Variants in GABPB1 observed in about 807,000 individuals in gnomAD.
The protein encoded by GABPB1 is GA binding protein transcription factor subunit beta 1.
A neutral mutation model predicts 45.9 loss-of-function variants in GABPB1; 15 were observed. That is an observed-to-expected ratio of 0.33 (90% CI 0.22 to 0.50). The LOEUF is 0.50. Ranked by LOEUF, GABPB1 falls within the 20% of genes least tolerant of loss-of-function variation. GABPB1 has a pLI of 0.98. For synonymous variants in GABPB1, 143 were observed against 154.4 expected (o/e 0.93, Z 0.55); for missense variants, 252 against 457.5 (o/e 0.55, Z 4.10).
intron 3 of GABPB1, among the ~76,000 whole-genome samples, chr15:50,303,731 A>T (rs1177890819): frequency 6.6e-6 from 1 of 152,042 alleles, no homozygotes; most frequent in African/African-American, 2.4e-5. Context: ...ATCATAAGAT[A>T]GACCAAGGTC....
intron 8 of GABPB1, among the ~76,000 whole-genome samples, chr15:50,280,975 T>C (rs1483082832): frequency 1.3e-5 from 2 of 152,140 alleles, no homozygotes; most frequent in Non-Finnish European, 2.9e-5. Flanking sequence ...CCGAGTGAGG[T>C]AGTCTAACAG....
chr15:50,328,938 C>T (rs1003048016), intron 1 of GABPB1, among the ~76,000 whole-genome samples: 5 of 152,170 alleles, frequency 3.3e-5, no homozygotes, highest in Admixed American at 6.6e-5. Context: ...ATAATAGCCA[C>T]CTAGCCACCT....
At chr15:50,321,683 T>C (rs1209952155) in intron 1 of GABPB1, among the ~76,000 whole-genome samples, 6 of 133,106 alleles carry the variant, frequency 4.5e-5, no homozygotes, top group East Asian at 2.1e-4. Context: ...GCCTGGGCAA[T>C]AGAGCAAGAC....
chr15:50,299,547 G>C (rs936561592), intron 6 of GABPB1, among the ~76,000 whole-genome samples: 85 of 152,150 alleles, frequency 5.6e-4, no homozygotes, highest in African/African-American at 2.0e-3. Context: ...TTACAGGCAT[G>C]GGCCACTACG....
At chr15:50,308,400 G>A (rs1034955359) in intron 2 of GABPB1, among the ~76,000 whole-genome samples, 5 of 152,182 alleles carry the variant, frequency 3.3e-5, no homozygotes, top group African/African-American at 1.2e-4. Flanking sequence ...CTCACCATCA[G>A]ATTGTTTTCC....
intron 1 of GABPB1, among the ~76,000 whole-genome samples, chr15:50,318,333 T>C (rs1327248468): frequency 6.6e-6 from 1 of 152,204 alleles, no homozygotes; most frequent in Non-Finnish European, 1.5e-5. Context: ...CCCAGTGTAA[T>C]TCCTTTGAAA....
At chr15:50,293,983 A>G (rs903335954) in intron 6 of GABPB1, among the ~76,000 whole-genome samples, 2 of 152,232 alleles carry the variant, frequency 1.3e-5, no homozygotes, top group Admixed American at 1.3e-4. Flanking sequence ...ATTCCAAAAC[A>G]TAAAGCTCCC....
At chr15:50,297,730 G>A (rs548310235) in intron 6 of GABPB1, among the ~76,000 whole-genome samples, 7 of 152,212 alleles carry the variant, frequency 4.6e-5, no homozygotes, top group Middle Eastern at 3.4e-3. Flanking sequence ...AGCTACTCAG[G>A]AGGCTGAGGC....
chr15:50,336,162 C>T (rs936403811), intron 1 of GABPB1, among the ~76,000 whole-genome samples: 2 of 151,562 alleles, frequency 1.3e-5, no homozygotes, highest in Admixed American at 1.3e-4. Flanking sequence ...ACAAGTCTGG[C>T]CAATATGGCG....
chr15:50,333,762 C>T (rs1391704507), intron 1 of GABPB1, among the ~76,000 whole-genome samples: 1 of 152,126 alleles, frequency 6.6e-6, no homozygotes, highest in Non-Finnish European at 1.5e-5. Context: ...GGCGTGGTGG[C>T]TCACGCCTGT....
chr15:50,322,428 C>A (rs1285533738), intron 1 of GABPB1, among the ~76,000 whole-genome samples: 1 of 151,426 alleles, frequency 6.6e-6, no homozygotes, highest in African/African-American at 2.4e-5. Flanking sequence ...TGCCTGTAGT[C>A]CCAGCTACTC....
chr15:50,324,296 C>A (rs2047672834), intron 1 of GABPB1, among the ~76,000 whole-genome samples: 1 of 152,158 alleles, frequency 6.6e-6, no homozygotes, highest in Non-Finnish European at 1.5e-5. Context: ...TATTGTCTCC[C>A]ACTGTTAACG....
At chr15:50,304,781 C>G (rs1364336748) in intron 2 of GABPB1, among the ~76,000 whole-genome samples, 1 of 151,708 alleles carries the variant, frequency 6.6e-6, no homozygotes, top group African/African-American at 2.4e-5. Flanking sequence ...GAATGTATTC[C>G]TCATACCAAT....
intron 1 of GABPB1, among the ~76,000 whole-genome samples, chr15:50,323,819 C>T (rs1211895130): frequency 6.6e-6 from 1 of 152,124 alleles, no homozygotes; most frequent in Non-Finnish European, 1.5e-5. Flanking sequence ...CTTCAGTGAG[C>T]CATGACTGTG....
chr15:50,328,005 T>C (rs2047827632), intron 1 of GABPB1, among the ~76,000 whole-genome samples: 1 of 151,218 alleles, frequency 6.6e-6, no homozygotes, highest in African/African-American at 2.4e-5. Context: ...AATATGTTTA[T>C]AAAAACATTA....
rs1270381250 is a variant in GABPB1 at position 50,278,169 on chromosome 15, A to G, written c.*463T>C. The G allele has an allele frequency of 1.3e-5, 2 of 152,754 alleles. No homozygotes were observed. Among genetic ancestry groups the G allele is most frequent in the Admixed American group, 1.3e-4 (2 of 15,294 alleles). 9.5% of individuals were successfully genotyped at this position (152,754 alleles called of 1,614,324 possible). ...TCTGACACAACTTAAAGCTGTACAA[A>G]GATTTCCTGGGAGAAATCTTCTCTT... On this transcript the variant is annotated 3_prime_UTR_variant, in exon 9 of 9. Transcript: ENST00000380877.
chr15:50,287,441 T>C (rs2140980700), intron 7 of GABPB1, among the ~76,000 whole-genome samples: 1 of 152,268 alleles, frequency 6.6e-6, no homozygotes, highest in East Asian at 1.9e-4. Flanking sequence ...GGAGATAGGG[T>C]CCTTAAACAG....
At position 50,304,133 on chromosome 15, in the gene GABPB1, G is replaced by A; in HGVS notation, c.109C>T (p.Leu37=). 6 of 1,566,874 alleles carry A rather than the reference G, an allele frequency of 3.8e-6. No homozygotes were observed. The highest frequency in any genetic ancestry group is 2.0e-5 in the Admixed American group (1 of 48,792). The change falls in exon 3 of 9, where the codon CTG becomes TTG. Residue 37 remains leucine, a splice_region_variant and synonymous_variant. Transcript: ENST00000380877. The part of the protein sequence containing the change: ...ANGAPFTTDW[L]GTSPLHLAAQ... ...GCTAGATGAAGTGGAGAAGTTCCCA[G>A]CTGTACCACAGAAAAAAAAAAAAAT...
intron 1 of GABPB1, among the ~76,000 whole-genome samples, chr15:50,327,602 A>G (rs934498329): frequency 6.6e-6 from 1 of 152,158 alleles, no homozygotes; most frequent in African/African-American, 2.4e-5. Context: ...ATCAACTTCT[A>G]GTAGAGTTTA....
Sources: allele counts gnomAD v4.1 joint callset (sites outside exome capture counted in the v4.1 genomes callset), GRCh38; gene constraint gnomAD v4.1.1; transcripts MANE v1.5; gene names NCBI Gene and HGNC (gene_info 2026-07-23, HGNC 2026-07-21).